The following ADAM28 variants were observed in gnomAD, a reference collection of about 807,000 sequenced individuals.
ADAM28 encodes the protein ADAM metallopeptidase domain 28.
In ADAM28, 105 loss-of-function variants were observed where a neutral mutation model predicts 101.2. The observed-to-expected ratio is 1.04, with a 90% CI of 0.89 to 1.22. The LOEUF (loss-of-function observed/expected upper bound fraction) is 1.22, where lower values mean the gene tolerates loss of function less well. Ranked by LOEUF, ADAM28 falls within the 50% of genes most tolerant of loss-of-function variation. ADAM28 has a pLI of 0.00. For synonymous variants in ADAM28, 322 were observed against 310.6 expected, an observed-to-expected ratio of 1.04 and a Z score of -0.39; for missense variants, 1,028 against 945.4, an observed-to-expected ratio of 1.09 and a Z score of -1.15.
At chr8:24,349,370 C>T (rs1358196641) in intron 18 of ADAM28, among the ~76,000 whole-genome samples, 1 of 152,184 alleles carries the variant, frequency 6.6e-6, no homozygotes, top group Admixed American at 6.5e-5. Flanking sequence ...CACATAACTT[C>T]CTGTCTAATT....
intron 1 of ADAM28, chr8:24,296,339 T>C (rs1481864462): frequency 1.3e-5 from 2 of 152,216 alleles, no homozygotes; most frequent in East Asian, 3.8e-4. Context: ...TGTACTCACT[T>C]TTAATGCATG....
intron 2 of ADAM28, among the ~76,000 whole-genome samples, chr8:24,301,980 G>T (rs1808842172): frequency 6.6e-6 from 1 of 152,108 alleles, no homozygotes; most frequent in African/African-American, 2.4e-5. Context: ...TGCAGAATGT[G>T]CAGGTTTGTT....
intron 2 of ADAM28, among the ~76,000 whole-genome samples, chr8:24,305,521 C>T (rs1393158109): frequency 6.9e-6 from 1 of 145,566 alleles, no homozygotes; most frequent in Non-Finnish European, 1.5e-5. Context: ...TCACCCTCAC[C>T]TGCCAATCCT....
intron 18 of ADAM28, among the ~76,000 whole-genome samples, chr8:24,349,247 C>T (rs1815772552): frequency 6.6e-6 from 1 of 152,122 alleles, no homozygotes; most frequent in African/African-American, 2.4e-5. Context: ...GAGAAATGAA[C>T]AGTTAAGAGC....
intron 2 of ADAM28, among the ~76,000 whole-genome samples, chr8:24,305,619 A>G (rs1159184684): frequency 1.3e-5 from 2 of 152,044 alleles, no homozygotes; most frequent in Non-Finnish European, 2.9e-5. Context: ...TTTAAAGGAA[A>G]TAAGAGTATT....
At chr8:24,304,068 C>A (rs961420883) in intron 2 of ADAM28, among the ~76,000 whole-genome samples, 1 of 151,430 alleles carries the variant, frequency 6.6e-6, no homozygotes, top group Admixed American at 6.6e-5. Flanking sequence ...CACCAAACAC[C>A]CTTTTTTCAC....
At chr8:24,354,160 T>C (rs947566971) in intron 22 of ADAM28, among the ~76,000 whole-genome samples, 1 of 152,132 alleles carries the variant, frequency 6.6e-6, no homozygotes, top group African/African-American at 2.4e-5. Context: ...ACCTTCTCCA[T>C]ATTATGCTAA....
chr8:24,315,553 G>A (rs563710678), intron 6 of ADAM28, among the ~76,000 whole-genome samples: 78 of 152,006 alleles, frequency 5.1e-4, no homozygotes, highest in African/African-American at 1.8e-3. Context: ...GGACTAGATG[G>A]CTCTAGAGCT....
intron 17 of ADAM28, 54 bp downstream of exon 17, chr8:24,343,235 G>A (rs1233865150): frequency 3.8e-6 from 6 of 1,581,768 alleles, no homozygotes; most frequent in Admixed American, 3.3e-5. Context: ...GACATTCTAG[G>A]TCAGTCATAA....
intron 15 of ADAM28, among the ~76,000 whole-genome samples, chr8:24,340,146 G>T (rs1814590250): frequency 6.6e-6 from 1 of 152,116 alleles, no homozygotes; most frequent in Admixed American, 6.6e-5. Context: ...TTTTTCTATG[G>T]TTTAATTCTG....
At chr8:24,342,856 G>A (rs934206841) in intron 16 of ADAM28, 1 of 528,502 alleles carries the variant, frequency 1.9e-6, no homozygotes, top group Non-Finnish European at 3.2e-6. Context: ...ATTGCTTCTG[G>A]GATATACAGT....
Position 24,351,995 on chromosome 8 carries a change from G to GATGAAGCCCCATGTGTATGATCTGCCAGT in ADAM28, c.2189_2217dup (p.Glu740Ter). On this transcript the variant is annotated frameshift_variant, in exon 21 of 23. Transcript: ENST00000265769. LOFTEE classifies it high-confidence loss of function. ...TTCGTTCTTCTTTTCAGATGAGTCA[G>GATGAAGCCCCATGTGTATGATCTGCCAGT]ATGAAGCCCCATGTGTATGATCTGC... The GATGAAGCCCCATGTGTATGATCTGCCAGT allele has an allele frequency of 6.2e-7, 1 of 1,613,622 alleles. No homozygotes were observed. The highest frequency in any genetic ancestry group is 1.1e-5 in the South Asian group (1 of 91,072).
intron 16 of ADAM28, among the ~76,000 whole-genome samples, chr8:24,342,414 T>G (rs1814887832): frequency 6.6e-6 from 1 of 152,186 alleles, no homozygotes; most frequent in African/African-American, 2.4e-5. Flanking sequence ...ATTATCTAAG[T>G]GGTTCAGTGT....
At chr8:24,302,972 A>T (rs1161802265) in intron 2 of ADAM28, among the ~76,000 whole-genome samples, 1 of 130,130 alleles carries the variant, frequency 7.7e-6, no homozygotes, top group African/African-American at 2.9e-5. Context: ...TCCTGTGTCC[A>T]TGTGTTCTCA....
rs778280698 is a variant in ADAM28 at position 24,331,268 on chromosome 8, C to T, written c.1222C>T (p.Pro408Ser). 6.2e-7 allele frequency: 1 copy of T among 1,612,422 alleles called. No homozygotes were observed. Among genetic ancestry groups the T allele is most frequent in the East Asian group, 2.2e-5 (1 of 44,834 alleles). Reference sequence around the variant, plus strand: ...ATTGCCTACAGATATCATATCCACTCCAATTTGTGGGAACCAGTTGGTGGA... The same window carrying T: ...ATTGCCTACAGATATCATATCCACTTCAATTTGTGGGAACCAGTTGGTGGA... Reference protein sequence around the residue: ...APLPTDIISTPICGNQLVEMG... With the variant: ...APLPTDIISTSICGNQLVEMG... Residue 408 changes from proline (P) to serine (S), a missense_variant, in exon 12 of 23, where the codon CCA becomes TCA. By Grantham distance (74) the Pro-to-Ser change is moderately conservative (BLOSUM62 -1). Coordinates refer to ENST00000265769, the MANE Select transcript of ADAM28 (RefSeq NM_014265.6).
At chr8:24,305,520 C>G (rs1025352196) in intron 2 of ADAM28, among the ~76,000 whole-genome samples, 1 of 145,114 alleles carries the variant, frequency 6.9e-6, no homozygotes, top group East Asian at 2.1e-4. Flanking sequence ...TTCACCCTCA[C>G]CTGCCAATCC....
At position 24,309,987 on chromosome 8, in the gene ADAM28, G is replaced by A; in HGVS notation, c.227+17G>A. The A allele has an allele frequency of 2.6e-6, 4 of 1,545,860 alleles. No homozygotes were observed. The highest frequency in any genetic ancestry group is 3.6e-6 in the Non-Finnish European group (4 of 1,120,316). On this transcript the variant is annotated intron_variant, in intron 3 of 22. Coordinates refer to ENST00000265769, the MANE Select transcript of ADAM28 (RefSeq NM_014265.6). ...AAAAAACAAGTAAGTATCTTTACCT[G>A]TGATATTATCCTCAGCAAGAGCAAG...
intron 10 of ADAM28, among the ~76,000 whole-genome samples, chr8:24,328,616 G>C (rs1438921131): frequency 6.6e-6 from 1 of 151,928 alleles, no homozygotes; most frequent in African/African-American, 2.4e-5. Context: ...ACAGATGATC[G>C]TTGATGAATA....
At chr8:24,354,177 G>C (rs1356785436) in intron 22 of ADAM28, among the ~76,000 whole-genome samples, 1 of 151,892 alleles carries the variant, frequency 6.6e-6, no homozygotes, top group Non-Finnish European at 1.5e-5. Flanking sequence ...CTAATTACCG[G>C]ATAGATACTT....
Sources: allele counts gnomAD v4.1 joint callset (sites outside exome capture counted in the v4.1 genomes callset), GRCh38; gene constraint gnomAD v4.1.1; transcripts MANE v1.5; gene names NCBI Gene and HGNC (gene_info 2026-07-23, HGNC 2026-07-21).